The following ERI3 variants were observed in gnomAD, a reference collection of about 807,000 sequenced individuals.
ERI3 encodes the protein ERI1 exoribonuclease family member 3.
In ERI3, 18 loss-of-function variants were observed where a neutral mutation model predicts 44.4. The observed-to-expected ratio is 0.41, with a 90% CI of 0.28 to 0.60. The LOEUF (loss-of-function observed/expected upper bound fraction) is 0.60. ERI3 is among the 20% of genes least tolerant of loss of function. The pLI is 0.36. For synonymous variants in ERI3, 183 were observed against 164.8 expected (o/e 1.11, Z -0.84); for missense variants, 294 against 435.5 (o/e 0.68, Z 2.89).
At chr1:44,287,708 A>G (rs572363134) in intron 6 of ERI3, among the ~76,000 whole-genome samples, 1 of 152,380 alleles carries the variant, frequency 6.6e-6, no homozygotes, top group South Asian at 2.1e-4. Flanking sequence ...TTGCCTAAGA[A>G]GCAGAGCTGT....
chr1:44,355,190 C>A lies in ERI3; in HGVS notation c.-164G>T. Reference sequence around the variant, plus strand: ...AGAGGCAGGGCCAGCTCCGCCCGCTCCCCACCGCCCGTTCCCGGCCGCCTG... The same window carrying A: ...AGAGGCAGGGCCAGCTCCGCCCGCTACCCACCGCCCGTTCCCGGCCGCCTG... On this transcript the variant is annotated 5_prime_UTR_variant, in exon 1 of 9. Coordinates refer to ENST00000372257, the MANE Select transcript of ERI3 (RefSeq NM_024066.3). 1 of 1,201,224 alleles carries A rather than the reference C, an allele frequency of 8.3e-7. No individual in the cohort carries two copies. The highest frequency in any genetic ancestry group is 1.0e-6 in the Non-Finnish European group (1 of 968,182). The allele number at this position is 1,201,224 out of a possible 1,614,324, so 74.4% of individuals were successfully genotyped here. A position where few individuals can be genotyped will look rare whatever the true frequency, so the allele number is the denominator to read the frequency against.
In ERI3 at chr1:44,352,841, G is replaced by C. The variant is rs1005173148; in HGVS notation, c.211+9C>G. The C allele has an allele frequency of 6.8e-6, 11 of 1,614,048 alleles. No homozygotes were observed. Among genetic ancestry groups the C allele is most frequent in the Non-Finnish European group, 8.5e-6 (10 of 1,180,002 alleles). The stretch of plus-strand genomic sequence containing the variant: ...AAAGCCAGACTTGACCATGCAACAG[G>C]ATTCTCACCTCTCCTTACTTCGAAG... On this transcript the variant is annotated intron_variant, in intron 2 of 8. Transcript: ENST00000372257.
chr1:44,278,728 T>C (rs935358773), intron 7 of ERI3, among the ~76,000 whole-genome samples: 2 of 151,944 alleles, frequency 1.3e-5, no homozygotes, highest in Admixed American at 1.3e-4. Context: ...GCTTCCCGAG[T>C]AGCTAGGATT....
At chr1:44,353,518 C>T in intron 1 of ERI3, 1 of 985,430 alleles carries the variant, frequency 1.0e-6, no homozygotes, top group Non-Finnish European at 1.2e-6. Flanking sequence ...ATGTCTTTTG[C>T]ATAAAGAAAC....
At chr1:44,286,315 C>T (rs930297205) in intron 6 of ERI3, among the ~76,000 whole-genome samples, 2 of 152,144 alleles carry the variant, frequency 1.3e-5, no homozygotes, top group Admixed American at 1.3e-4. Context: ...CAGTTTTAGA[C>T]ACATGCTTGA....
At chr1:44,294,758 T>C (rs1645575928) in intron 6 of ERI3, among the ~76,000 whole-genome samples, 2 of 152,270 alleles carry the variant, frequency 1.3e-5, no homozygotes, top group Non-Finnish European at 1.5e-5. Flanking sequence ...TAATGAGCTA[T>C]TCTCTTTTTG....
intron 5 of ERI3, among the ~76,000 whole-genome samples, chr1:44,311,173 C>T (rs1041750663): frequency 2.0e-5 from 3 of 152,140 alleles, no homozygotes; most frequent in African/African-American, 7.2e-5. Flanking sequence ...AGTGCCCCAA[C>T]TCCTGCACAG....
At chr1:44,331,794 A>G (rs148756030) in intron 3 of ERI3, among the ~76,000 whole-genome samples, 13 of 152,290 alleles carry the variant, frequency 8.5e-5, no homozygotes, top group Middle Eastern at 3.4e-3. Context: ...TCTTCCTGCT[A>G]TAACAGTTCT....
chr1:44,265,719 C>T (rs1358190233), intron 7 of ERI3, among the ~76,000 whole-genome samples: 1 of 151,164 alleles, frequency 6.6e-6, no homozygotes, highest in Non-Finnish European at 1.5e-5. Context: ...AAATGAAGTA[C>T]TAATTTATAA....
chr1:44,266,146 T>C lies in ERI3; in HGVS notation c.832-18108A>G, dbSNP rs533648094. On this transcript the variant is annotated intron_variant, in intron 7 of 8. Transcript: ENST00000372257. ...AGGAGGCTCTAGCACCATGCCTAGC[T>C]TTCTGAAGGCACTTGATATAGGCAC... 1.7e-3 allele frequency among the ~76,000 whole-genome samples: 256 copies of C among 152,336 alleles called. 1 individual carries two copies. Among genetic ancestry groups the C allele is most frequent in the African/African-American group, 5.9e-3 (246 of 41,572 alleles).
chr1:44,317,561 G>C (rs1375074811), intron 4 of ERI3, among the ~76,000 whole-genome samples: 1 of 150,804 alleles, frequency 6.6e-6, no homozygotes, highest in Non-Finnish European at 1.5e-5. Context: ...GTGTTTACTT[G>C]GTAGCAGACC....
At chr1:44,278,149 T>C (rs1411779551) in intron 7 of ERI3, among the ~76,000 whole-genome samples, 1 of 152,218 alleles carries the variant, frequency 6.6e-6, no homozygotes, top group East Asian at 1.9e-4. Context: ...TTACACTTAC[T>C]GTACATCTCA....
intron 6 of ERI3, among the ~76,000 whole-genome samples, chr1:44,292,656 G>A (rs1029634315): frequency 2.0e-5 from 3 of 152,176 alleles, no homozygotes; most frequent in Non-Finnish European, 4.4e-5. Flanking sequence ...GCATGCACAC[G>A]TGCGGTCCCT....
intron 6 of ERI3, among the ~76,000 whole-genome samples, chr1:44,289,080 T>C (rs917860194): frequency 1.3e-5 from 2 of 152,292 alleles, no homozygotes; most frequent in African/African-American, 2.4e-5. Flanking sequence ...CAATGAAATT[T>C]TATGCACCGA....
At chr1:44,339,411 C>T in intron 2 of ERI3, 89 bp from the exon 3 acceptor site, 1 of 1,354,976 alleles carries the variant, frequency 7.4e-7, no homozygotes, top group Non-Finnish European at 9.7e-7. Flanking sequence ...CTCCCTCCCA[C>T]TGTGGCCCTG....
intron 7 of ERI3, among the ~76,000 whole-genome samples, chr1:44,273,899 C>A (rs977394712): frequency 1.3e-5 from 2 of 152,158 alleles, no homozygotes; most frequent in African/African-American, 4.8e-5. Flanking sequence ...TTTGATATGG[C>A]TGGAATGTTA....
chr1:44,314,972 A>G (rs1363972046), intron 4 of ERI3, among the ~76,000 whole-genome samples: 1 of 152,214 alleles, frequency 6.6e-6, no homozygotes. Flanking sequence ...AAAGAGAGTC[A>G]GGAGGAGGCT....
At chr1:44,310,957 GCGCGCGCACA>G (rs1350490567) in intron 5 of ERI3, among the ~76,000 whole-genome samples, 1 of 76,722 alleles carries the variant, frequency 1.3e-5, no homozygotes, top group Non-Finnish European at 2.6e-5. Context: ...CACATCGCGC[GCGCGCGCACA>G]CACACACACA....
chr1:44,321,552 TC>T (rs541337891), intron 3 of ERI3, among the ~76,000 whole-genome samples: 34 of 152,046 alleles, frequency 2.2e-4, no homozygotes, highest in Non-Finnish European at 4.1e-4. Flanking sequence ...TACACATTGG[TC>T]CCCCTGCAAA....
Sources: allele counts gnomAD v4.1 joint callset (sites outside exome capture counted in the v4.1 genomes callset), GRCh38; gene constraint gnomAD v4.1.1; transcripts MANE v1.5; gene names NCBI Gene and HGNC (gene_info 2026-07-23, HGNC 2026-07-21).